The following GAP43 variants were observed in gnomAD, a reference collection of about 807,000 sequenced individuals.
GAP43 encodes neuromodulin.
Under a neutral mutation model 18.6 loss-of-function variants are expected in GAP43, and 6 were observed. The ratio of observed to expected loss-of-function variants is 0.32; its 90% confidence interval spans 0.18 to 0.64. GAP43 has a LOEUF of 0.64. Among genes scored for constraint, GAP43 ranks in the 30% least tolerant of loss-of-function variants. The probability of loss-of-function intolerance (pLI) is 0.78; values close to 1 mark genes in which losing one functional copy is unlikely to be tolerated. For missense variants in GAP43, 292 were observed against 295.5 expected (o/e 0.99, Z 0.09); for synonymous variants, 115 against 111.4 (o/e 1.03, Z -0.20).
chr3:115,685,009 T>C (rs1211099021), intron 2 of GAP43, among the ~76,000 whole-genome samples: 11 of 152,228 alleles, frequency 7.2e-5, no homozygotes, highest in Admixed American at 6.5e-4. Context: ...AGTAGCTTCA[T>C]GTCTGTGTTG....
chr3:115,686,014 C>G (rs778011206), intron 2 of GAP43, among the ~76,000 whole-genome samples: 22 of 152,166 alleles, frequency 1.4e-4, no homozygotes, highest in Non-Finnish European at 1.5e-4. Context: ...ACTCTAACAG[C>G]CTTTATTTGT....
At chr3:115,712,085 G>A (rs1396505527) in intron 2 of GAP43, among the ~76,000 whole-genome samples, 1 of 152,020 alleles carries the variant, frequency 6.6e-6, no homozygotes, top group African/African-American at 2.4e-5. Context: ...GTTTTAAGAA[G>A]TTTTCAAGGC....
intron 1 of GAP43, among the ~76,000 whole-genome samples, chr3:115,646,385 G>T (rs369665832): frequency 7.2e-5 from 11 of 152,148 alleles, no homozygotes; most frequent in Non-Finnish European, 1.6e-4. Context: ...TCCCAGAAAG[G>T]CTCAATTAAC....
intron 2 of GAP43, among the ~76,000 whole-genome samples, chr3:115,687,250 A>G (rs866446106): frequency 6.6e-6 from 1 of 152,212 alleles, no homozygotes; most frequent in African/African-American, 2.4e-5. Context: ...AAAAGAGTCA[A>G]TGCCAATCGA....
chr3:115,686,976 C>A (rs1430661924), intron 2 of GAP43, among the ~76,000 whole-genome samples: 2 of 152,138 alleles, frequency 1.3e-5, no homozygotes, highest in African/African-American at 4.8e-5. Context: ...TGAAGGCAGA[C>A]ATTTTCAAAA....
At chr3:115,667,905 TA>T (rs1708754111) in intron 1 of GAP43, among the ~76,000 whole-genome samples, 1 of 152,214 alleles carries the variant, frequency 6.6e-6, no homozygotes. Flanking sequence ...CAGTGGCTGC[TA>T]AAGGCATAGC....
intron 2 of GAP43, among the ~76,000 whole-genome samples, chr3:115,712,488 T>G (rs1375721452): frequency 6.6e-6 from 1 of 152,188 alleles, no homozygotes; most frequent in African/African-American, 2.4e-5. Context: ...ATCCTTCATT[T>G]CCTGAAGGTT....
intron 2 of GAP43, among the ~76,000 whole-genome samples, chr3:115,696,635 C>T (rs545313647): frequency 1.7e-4 from 22 of 131,906 alleles, no homozygotes; most frequent in Admixed American, 4.4e-4. Flanking sequence ...ACTTACTGTT[C>T]CCTCTGCCTC....
At chr3:115,712,661 T>C (rs2918210) in intron 2 of GAP43, among the ~76,000 whole-genome samples, 83,020 of 152,032 alleles carry the variant, frequency 0.55, 23,433 homozygotes, top group East Asian at 0.73. Context: ...ATTATGTGTA[T>C]ATTAGGAAAC....
chr3:115,633,572 G>T (rs895188667), intron 1 of GAP43, among the ~76,000 whole-genome samples: 2 of 152,086 alleles, frequency 1.3e-5, no homozygotes, highest in African/African-American at 4.8e-5. Flanking sequence ...TATTGGTAGG[G>T]TTATTATCAC....
chr3:115,664,486 G>A (rs553162398), intron 1 of GAP43, among the ~76,000 whole-genome samples: 7 of 152,100 alleles, frequency 4.6e-5, no homozygotes, highest in African/African-American at 1.7e-4. Flanking sequence ...ATAGGTAATA[G>A]GATTCTAATA....
At chr3:115,634,484 G>A (rs977835973) in intron 1 of GAP43, among the ~76,000 whole-genome samples, 3 of 151,940 alleles carry the variant, frequency 2.0e-5, no homozygotes, top group Non-Finnish European at 2.9e-5. Flanking sequence ...AGGAAAGAAA[G>A]AAAAAAATTG....
At chr3:115,661,655 A>G (rs907690999) in intron 1 of GAP43, among the ~76,000 whole-genome samples, 5 of 151,574 alleles carry the variant, frequency 3.3e-5, no homozygotes, top group African/African-American at 1.2e-4. Context: ...AGCCTGGCTA[A>G]TTTTTCGTAT....
chr3:115,652,068 A>G (rs1390157753), intron 1 of GAP43, among the ~76,000 whole-genome samples: 1 of 152,118 alleles, frequency 6.6e-6, no homozygotes, highest in Non-Finnish European at 1.5e-5. Context: ...TCAAGTGTAT[A>G]TTTCCTGTAC....
At chr3:115,675,083 C>G (rs1323308737) in intron 1 of GAP43, among the ~76,000 whole-genome samples, 1 of 152,072 alleles carries the variant, frequency 6.6e-6, no homozygotes, top group East Asian at 1.9e-4. Flanking sequence ...GGTTTGCTTG[C>G]TTTTTTGAGA....
intron 1 of GAP43, among the ~76,000 whole-genome samples, chr3:115,671,735 G>A (rs1708817010): frequency 6.6e-6 from 1 of 152,186 alleles, no homozygotes; most frequent in South Asian, 2.1e-4. Flanking sequence ...TTTGTGGCAA[G>A]ACTTAGTTTA....
At chr3:115,691,031 A>G (rs1709105257) in intron 2 of GAP43, among the ~76,000 whole-genome samples, 1 of 151,984 alleles carries the variant, frequency 6.6e-6, no homozygotes, top group African/African-American at 2.4e-5. Flanking sequence ...CTGGGATTAC[A>G]GGCATGAGCC....
At chr3:115,647,745 C>T (rs1202880103) in intron 1 of GAP43, among the ~76,000 whole-genome samples, 3 of 88,492 alleles carry the variant, frequency 3.4e-5, no homozygotes, top group African/African-American at 1.1e-4. Context: ...AAAAACAAAA[C>T]AAAACAAAAA....
At chr3:115,667,185 A>T (rs903386780) in intron 1 of GAP43, among the ~76,000 whole-genome samples, 2 of 152,168 alleles carry the variant, frequency 1.3e-5, no homozygotes, top group Non-Finnish European at 2.9e-5. Flanking sequence ...AGCTTAGAAG[A>T]TTGTAAAAAA....
Sources: allele counts gnomAD v4.1 joint callset (sites outside exome capture counted in the v4.1 genomes callset), GRCh38; gene constraint gnomAD v4.1.1; transcripts MANE v1.5; gene names NCBI Gene and HGNC (gene_info 2026-07-23, HGNC 2026-07-21).